Variants in NPC1 observed in about 807,000 individuals in gnomAD.
The protein encoded by NPC1 is NPC intracellular cholesterol transporter 1.
A neutral mutation model predicts 140.4 loss-of-function variants in NPC1; 85 were observed. That is an observed-to-expected ratio of 0.61 (90% confidence interval 0.51 to 0.72). The LOEUF is 0.72. Among genes scored for constraint, NPC1 ranks in the 30% least tolerant of loss-of-function variants. The probability of loss-of-function intolerance (pLI) is 0.00; values close to 1 mark genes in which losing one functional copy is unlikely to be tolerated. For synonymous variants in NPC1, 656 were observed against 624.8 expected, an observed-to-expected ratio of 1.05 and a Z score of -0.74; for missense variants, 1,504 against 1,623.8, an observed-to-expected ratio of 0.93 and a Z score of 1.27.
intron 3 of NPC1, among the ~76,000 whole-genome samples, chr18:23,570,373 C>G (rs985361057): frequency 6.6e-6 from 1 of 152,160 alleles, no homozygotes; most frequent in Non-Finnish European, 1.5e-5. Context: ...TACGGTGGAT[C>G]CTAAATAAAT....
chr18:23,531,549 A>G lies in NPC1; in HGVS notation c.*653T>C. On this transcript the variant is annotated 3_prime_UTR_variant, in exon 25 of 25. Coordinates refer to ENST00000269228, the MANE Select transcript of NPC1 (RefSeq NM_000271.5). ...AGAAAAATAAGTTAAAACCCAGTAG[A>G]CACACCTACGAGATGCTTTCTTTGT... is the stretch of plus-strand genomic sequence containing the variant. 6.4e-7 allele frequency: 1 copy of G among 1,572,348 alleles called. No homozygotes were observed. The highest frequency in any genetic ancestry group is 8.6e-7 in the Non-Finnish European group (1 of 1,163,590).
At chr18:23,553,320 G>C (rs1448627675) in intron 9 of NPC1, among the ~76,000 whole-genome samples, 1 of 152,010 alleles carries the variant, frequency 6.6e-6, no homozygotes, top group Non-Finnish European at 1.5e-5. Context: ...AATGTTTTTT[G>C]TTTCTTCAAA....
Position 23,561,359 on chromosome 18 carries a change from C to A in NPC1, c.631+1G>T. On this transcript the variant is annotated splice_donor_variant, in intron 5 of 24. Coordinates refer to ENST00000269228, the MANE Select transcript of NPC1 (RefSeq NM_000271.5). LOFTEE classifies it high-confidence loss of function. ...ACCAAACTTGGAATCTTTATACCTACCTGAAAACACAGGAGTGATGGTAAA... is the reference window on the plus strand; with the variant it reads ...ACCAAACTTGGAATCTTTATACCTAACTGAAAACACAGGAGTGATGGTAAA... The A allele has an allele frequency of 2.5e-6, 4 of 1,614,146 alleles. No homozygotes were observed. Among genetic ancestry groups the A allele is most frequent in the Non-Finnish European group, 3.4e-6 (4 of 1,179,994 alleles).
chr18:23,579,508 C>A (rs2059332019), intron 1 of NPC1, among the ~76,000 whole-genome samples: 1 of 152,134 alleles, frequency 6.6e-6, no homozygotes, highest in Non-Finnish European at 1.5e-5. Flanking sequence ...GGATATTTCA[C>A]AACATGCTCT....
downstream of NPC1, chr18:23,529,494 G>T: frequency 8.0e-7 from 1 of 1,248,246 alleles, no homozygotes. Context: ...GGGTGGTTCT[G>T]GAGCGATGTG....
intron 22 of NPC1, 132 bp from the exon 23 acceptor site, chr18:23,534,691 C>T: frequency 1.4e-6 from 1 of 726,298 alleles, no homozygotes; most frequent in Non-Finnish European, 2.5e-6. Context: ...TCCCATTGGA[C>T]TTACAAGGCC....
chr18:23,525,591 A>G (rs1480476946), downstream of NPC1, among the ~76,000 whole-genome samples: 1 of 151,966 alleles, frequency 6.6e-6, no homozygotes, highest in Non-Finnish European at 1.5e-5. Context: ...CACCCAGCTA[A>G]TTTTTGTATT....
chr18:23,523,563 A>G (rs1289246992), intron 1 of NPC1, among the ~76,000 whole-genome samples: 1 of 148,686 alleles, frequency 6.7e-6, no homozygotes, highest in Non-Finnish European at 1.5e-5. Flanking sequence ...AAAAAAAAAA[A>G]AAAAAAGAAA....
chr18:23,553,924 G>C (rs2058911512), intron 9 of NPC1, among the ~76,000 whole-genome samples: 1 of 152,192 alleles, frequency 6.6e-6, no homozygotes, highest in African/African-American at 2.4e-5. Flanking sequence ...CTCCCAAATA[G>C]CTGGGGCACT....
Position 23,554,991 on chromosome 18 carries a change from G to A in NPC1, c.1327-7C>T. The stretch of plus-strand genomic sequence containing the variant: ...CTATTTGTAAGTCAAGAACCTGAAA[G>A]AAGATTTTAAAAATAAGCAAACCCA... On this transcript the variant is annotated splice_polypyrimidine_tract_variant and splice_region_variant and intron_variant, in intron 8 of 24. Coordinates refer to ENST00000269228, the MANE Select transcript of NPC1 (RefSeq NM_000271.5). 6.3e-7 allele frequency: 1 copy of A among 1,590,882 alleles called. No individual in the cohort carries two copies. Among genetic ancestry groups the A allele is most frequent in the Non-Finnish European group, 8.6e-7 (1 of 1,158,944 alleles).
chr18:23,544,659 A>G (rs2058759002), intron 12 of NPC1, 133 bp from the exon 13 acceptor site: 1 of 880,880 alleles, frequency 1.1e-6, no homozygotes, highest in African/African-American at 1.7e-5. Context: ...TGTGTTTCAG[A>G]GAGGACTTGT....
chr18:23,508,526 G>A (rs2145138107), intron 3 of NPC1: 1 of 152,724 alleles, frequency 6.5e-6, no homozygotes, highest in South Asian at 2.1e-4. Flanking sequence ...TTTGCTGGGT[G>A]TAGTAAACTA....
At chr18:23,529,091 C>A (rs1438551680), downstream of NPC1, 6 of 1,521,814 alleles carry the variant, frequency 3.9e-6, no homozygotes, top group South Asian at 1.3e-5. Context: ...GGGTCCACAT[C>A]GAAGAATTCA....
At chr18:23,576,085 T>G (rs530712963) in intron 1 of NPC1, among the ~76,000 whole-genome samples, 60 of 151,804 alleles carry the variant, frequency 4.0e-4, no homozygotes, top group Middle Eastern at 3.4e-3. Context: ...TAGCCAGGTG[T>G]GGGGGGTGCA....
downstream of NPC1, among the ~76,000 whole-genome samples, chr18:23,530,822 G>A (rs2058473837): frequency 6.6e-6 from 1 of 152,204 alleles, no homozygotes; most frequent in African/African-American, 2.4e-5. Context: ...CACCGAGGAG[G>A]TGTGTTTTGA....
intron 3 of NPC1, among the ~76,000 whole-genome samples, chr18:23,514,285 G>A (rs2057940042): frequency 6.6e-6 from 1 of 152,234 alleles, no homozygotes; most frequent in Admixed American, 6.5e-5. Context: ...GGAGGCCGAG[G>A]TGGGCGATCA....
At chr18:23,536,942 C>T (rs931415465) in intron 20 of NPC1, 66 bp from the exon 21 acceptor site, 1 of 1,379,150 alleles carries the variant, frequency 7.3e-7, no homozygotes, top group Non-Finnish European at 1.0e-6. Context: ...AATCTGAGCA[C>T]TTGAGGCTAA....
chr18:23,555,615 A>T (rs144981378), intron 8 of NPC1, among the ~76,000 whole-genome samples: 1 of 152,354 alleles, frequency 6.6e-6, no homozygotes, highest in Non-Finnish European at 1.5e-5. Flanking sequence ...TTAAAAAAGA[A>T]GCCGGTACAG....
intron 3 of NPC1, chr18:23,516,047 T>C: frequency 6.2e-7 from 1 of 1,611,978 alleles, no homozygotes; most frequent in Non-Finnish European, 8.5e-7. Flanking sequence ...TTGTCCCCTG[T>C]TCCTGTAGCA....
Sources: allele counts gnomAD v4.1 joint callset (sites outside exome capture counted in the v4.1 genomes callset), GRCh38; gene constraint gnomAD v4.1.1; transcripts MANE v1.5; gene names NCBI Gene and HGNC (gene_info 2026-07-23, HGNC 2026-07-21).